Variants in DYNC2I1 observed in about 807,000 individuals in gnomAD.
DYNC2I1 encodes the protein dynein 2 intermediate chain 1.
Under a neutral mutation model 133.4 loss-of-function variants are expected in DYNC2I1, and 89 were observed. That is an observed-to-expected ratio of 0.67 (90% CI 0.56 to 0.80). The LOEUF is 0.80. Ranked by LOEUF, DYNC2I1 falls within the 30% of genes least tolerant of loss-of-function variation. The probability of loss-of-function intolerance (pLI) is 0.00; values close to 1 mark genes in which losing one functional copy is unlikely to be tolerated. For missense variants in DYNC2I1, 1,291 were observed against 1,314.5 expected (o/e 0.98, Z 0.28); for synonymous variants, 504 against 484.3 (o/e 1.04, Z -0.54).
At chr7:158,896,108 A>G (rs114587120) in intron 8 of DYNC2I1, among the ~76,000 whole-genome samples, 1 of 152,034 alleles carries the variant, frequency 6.6e-6, no homozygotes, top group African/African-American at 2.4e-5. Context: ...TTCTTATTTC[A>G]TTAGTTAGAA....
rs1256913509 is a variant in DYNC2I1, at chr7:158,902,380, A to G, written c.1142A>G (p.Tyr381Cys). Residue 381 changes from tyrosine to cysteine, a missense_variant, in exon 10 of 25, where the codon TAT becomes TGT. Transcript: ENST00000407559. The stretch of plus-strand genomic sequence containing the variant: ...AAAGATTATTATTGTTTGCAGGACT[A>G]TGAAGATGACTTTGAGGTTTGTGAT... ...TASCEDDFED[Y>C]EDDFEVCDGD... 1 of 1,612,056 alleles carries G rather than the reference A, an allele frequency of 6.2e-7. No homozygotes were observed. Among genetic ancestry groups the G allele is most frequent in the Admixed American group, 1.7e-5 (1 of 59,802 alleles).
chr7:158,886,885 G>A (rs904390667), intron 6 of DYNC2I1, 136 bp from the exon 7 acceptor site: 19 of 799,598 alleles, frequency 2.4e-5, no homozygotes, highest in African/African-American at 1.9e-4. Flanking sequence ...ACAGGTGCAA[G>A]TCATCGCTCC....
rs560875231 is a variant in DYNC2I1, at chr7:158,881,654, C to T, written c.879+1665C>T. ...ATATTTAGTAGAGACGGGGTTTCACCGTGTTAGCCAGGATGGTCTCAATCT... is the reference window on the plus strand; with the variant it reads ...ATATTTAGTAGAGACGGGGTTTCACTGTGTTAGCCAGGATGGTCTCAATCT... On this transcript the variant is annotated intron_variant, in intron 5 of 24. Transcript: ENST00000407559. 4.9e-4 allele frequency among the ~76,000 whole-genome samples: 75 copies of T among 152,146 alleles called. 1 individual carries two copies. The highest frequency in any genetic ancestry group is 1.3e-3 in the African/African-American group (56 of 41,510).
At chr7:158,911,982 A>G (rs1585127940) in intron 12 of DYNC2I1, among the ~76,000 whole-genome samples, 1 of 151,700 alleles carries the variant, frequency 6.6e-6, no homozygotes, top group Non-Finnish European at 1.5e-5. Flanking sequence ...CAAATGTTTT[A>G]TTTATTTATT....
intron 1 of DYNC2I1, among the ~76,000 whole-genome samples, chr7:158,865,457 CAG>C (rs1842323330): frequency 6.6e-6 from 1 of 152,210 alleles, no homozygotes. Context: ...AATCGAGGGA[CAG>C]AGGCCCTGGG....
At chr7:158,943,172 T>G (rs1851543232) in intron 24 of DYNC2I1, among the ~76,000 whole-genome samples, 1 of 152,174 alleles carries the variant, frequency 6.6e-6, no homozygotes, top group Admixed American at 6.5e-5. Context: ...TTTATTTAGT[T>G]TGATTCCTAG....
At chr7:158,906,219 T>C in intron 11 of DYNC2I1, 128 bp downstream of exon 11, 1 of 741,648 alleles carries the variant, frequency 1.3e-6, no homozygotes, top group Non-Finnish European at 2.2e-6. Context: ...TGACTTAATT[T>C]GTACTACACT....
Position 158,911,649 on chromosome 7 carries a change from CAG to C in DYNC2I1, c.1562_1563del (p.Arg521LysfsTer15). On this transcript the variant is annotated frameshift_variant, in exon 12 of 25. Transcript: ENST00000407559. LOFTEE classifies it high-confidence loss of function. The part of the protein sequence containing the change: ...PPVNEYDMYI[R>X]NFGKKNTKQA... ...CAGTAAATGAATATGACATGTATAT[CAG>C]AAACTTTGGGAAAAAAAATACCAAG... 6.2e-7 allele frequency: 1 copy of C among 1,609,552 alleles called. No individual in the cohort carries two copies. Among genetic ancestry groups the C allele is most frequent in the Non-Finnish European group, 8.5e-7 (1 of 1,178,770 alleles).
chr7:158,898,210 CTGT>C (rs777300827), intron 8 of DYNC2I1, among the ~76,000 whole-genome samples: 3 of 152,138 alleles, frequency 2.0e-5, no homozygotes, highest in Non-Finnish European at 4.4e-5. Context: ...GTGTATTCTG[CTGT>C]TGTTGGGTGA....
intron 11 of DYNC2I1, among the ~76,000 whole-genome samples, chr7:158,910,058 T>C (rs1199639476): frequency 6.6e-6 from 1 of 152,194 alleles, no homozygotes; most frequent in Non-Finnish European, 1.5e-5. Context: ...GAGCACCGGC[T>C]GTGTGGCGAT....
chr7:158,911,415 C>G (rs955835131), intron 11 of DYNC2I1, 135 bp from the exon 12 acceptor site: 18 of 945,726 alleles, frequency 1.9e-5, no homozygotes, highest in Middle Eastern at 4.6e-4. Flanking sequence ...TTAAATATCT[C>G]AGACTCACCC....
Position 158,891,248 on chromosome 7 carries a change from T to A in DYNC2I1, c.991-17T>A. On this transcript the variant is annotated splice_polypyrimidine_tract_variant and intron_variant, in intron 7 of 24. Coordinates refer to ENST00000407559, the MANE Select transcript of DYNC2I1 (RefSeq NM_018051.5). The stretch of plus-strand genomic sequence containing the variant: ...CCACCTGTGTCCTGGCTGATGGGGC[T>A]GTTCTCTCTCCATTAGCATGGCCAC... The A allele has an allele frequency of 1.9e-6, 3 of 1,613,982 alleles. No homozygotes were observed. Among genetic ancestry groups the A allele is most frequent in the Non-Finnish European group, 2.5e-6 (3 of 1,179,860 alleles).
At chr7:158,931,567 C>T (rs1184212185) in intron 21 of DYNC2I1, among the ~76,000 whole-genome samples, 1 of 152,140 alleles carries the variant, frequency 6.6e-6, no homozygotes, top group Non-Finnish European at 1.5e-5. Context: ...CTGCTAGGGC[C>T]CTTATTGCTT....
intron 21 of DYNC2I1, among the ~76,000 whole-genome samples, chr7:158,932,857 T>A (rs1479997490): frequency 1.3e-5 from 2 of 152,128 alleles, no homozygotes; most frequent in Non-Finnish European, 2.9e-5. Context: ...ATAGGAGCAG[T>A]GGGAGGGAGG....
At chr7:158,871,652 T>C in intron 3 of DYNC2I1, 90 bp downstream of exon 3, 1 of 1,343,520 alleles carries the variant, frequency 7.4e-7, no homozygotes, top group Non-Finnish European at 9.9e-7. Flanking sequence ...CCCCTCCCTC[T>C]CTCCCCCGCT....
Position 158,879,933 on chromosome 7 carries a change from A to C in DYNC2I1, c.823A>C (p.Asn275His). 6.2e-7 allele frequency: 1 copy of C among 1,609,308 alleles called. No homozygotes were observed. ...TTTTGATGATGAGAGGCACCAAAGC[A>C]ACGTGGATAGAAAAGAGAAATCGGC... ...FHFDDERHQS[N>H]VDRKEKSAKD... is the part of the protein sequence containing the mutation. Residue 275 changes from asparagine to histidine, a missense_variant, in exon 5 of 25, where the codon AAC (asparagine) becomes CAC (histidine). By Grantham distance (68) the Asn-to-His change is moderately conservative. Coordinates refer to ENST00000407559, the MANE Select transcript of DYNC2I1 (RefSeq NM_018051.5).
In DYNC2I1 at chr7:158,945,584, G is replaced by A; in HGVS notation, c.3006G>A (p.Leu1002=). Residue 1002 remains leucine, a synonymous_variant, in exon 25 of 25, where the codon CTG becomes CTA. Coordinates refer to ENST00000407559, the MANE Select transcript of DYNC2I1 (RefSeq NM_018051.5). The surrounding 1 kb of genome is among the most constrained non-coding windows in gnomAD (Gnocchi z 4.1). ...GCTTCTGCCCCTCTCCCTGCAGGCT[G>A]GTGGCCATGGCTGCGGTGGGTGAGC... ...VAKQQVSPNR[L]VAMAAVGEPE... The A allele has an allele frequency of 6.2e-7, 1 of 1,603,812 alleles. No homozygotes were observed. The highest frequency in any genetic ancestry group is 8.5e-7 in the Non-Finnish European group (1 of 1,175,944).
intron 14 of DYNC2I1, among the ~76,000 whole-genome samples, chr7:158,915,775 A>T (rs1848136343): frequency 6.9e-6 from 1 of 144,312 alleles, no homozygotes; most frequent in Non-Finnish European, 1.5e-5. Flanking sequence ...ACGCTGGTTG[A>T]GATTAAGGAT....
chr7:158,943,612 T>G (rs1851589997), intron 24 of DYNC2I1, among the ~76,000 whole-genome samples: 1 of 152,202 alleles, frequency 6.6e-6, no homozygotes, highest in South Asian at 2.1e-4. Context: ...TGGGCTGTGC[T>G]GCTGTGGCGG....
Sources: allele counts gnomAD v4.1 joint callset (sites outside exome capture counted in the v4.1 genomes callset), GRCh38; gene constraint gnomAD v4.1.1; non-coding constraint Gnocchi (gnomAD v3.1); transcripts MANE v1.5; gene names NCBI Gene and HGNC (gene_info 2026-07-23, HGNC 2026-07-21).